Variants in CD2AP observed in about 807,000 individuals in gnomAD.
The protein encoded by CD2AP is CD2-associated protein.
Under a neutral mutation model 85.1 loss-of-function variants are expected in CD2AP, and 46 were observed. The observed-to-expected ratio is 0.54, with a 90% CI of 0.43 to 0.69. CD2AP has a LOEUF of 0.69. Ranked by LOEUF, CD2AP falls within the 30% of genes least tolerant of loss-of-function variation. The pLI is 0.00. For missense variants in CD2AP, 769 were observed against 729.5 expected (o/e 1.05, Z -0.62); for synonymous variants, 255 against 252.9 (o/e 1.01, Z -0.08).
intron 3 of CD2AP, 92 bp downstream of exon 3, chr6:47,533,847 T>C: frequency 7.6e-7 from 1 of 1,315,442 alleles, no homozygotes; most frequent in Non-Finnish European, 1.1e-6. Flanking sequence ...GTTCAGTCTT[T>C]TGTAGACAAC....
chr6:47,568,087 T>C (rs938553990), intron 5 of CD2AP, among the ~76,000 whole-genome samples: 1 of 152,142 alleles, frequency 6.6e-6, no homozygotes, highest in Non-Finnish European at 1.5e-5. Flanking sequence ...ATAATGTTAT[T>C]TGGGGGATGA....
chr6:47,478,390 C>G, intron 1 of CD2AP, 142 bp downstream of exon 1: 1 of 966,212 alleles, frequency 1.0e-6, no homozygotes, highest in Admixed American at 2.0e-5. Flanking sequence ...CCCCACCGCC[C>G]CTTCTTGCCC....
intron 2 of CD2AP, among the ~76,000 whole-genome samples, chr6:47,527,726 C>T (rs1431518488): frequency 6.6e-6 from 1 of 152,114 alleles, no homozygotes; most frequent in Admixed American, 6.5e-5. Flanking sequence ...TGAGTGATAC[C>T]TGCAGATTAG....
intron 13 of CD2AP, among the ~76,000 whole-genome samples, chr6:47,605,193 A>G (rs1582616496): frequency 6.6e-6 from 1 of 152,048 alleles, no homozygotes; most frequent in African/African-American, 2.4e-5. Context: ...GGAATCTGCT[A>G]TTAGTTAGAA....
chr6:47,560,396 G>A (rs1416208632), intron 5 of CD2AP, among the ~76,000 whole-genome samples: 1 of 151,652 alleles, frequency 6.6e-6, no homozygotes, highest in African/African-American at 2.4e-5. Context: ...CTTTATAGCT[G>A]TTTTTTTCCT....
intron 3 of CD2AP, among the ~76,000 whole-genome samples, chr6:47,536,553 ATTC>A (rs1767051756): frequency 6.6e-6 from 1 of 152,166 alleles, no homozygotes; most frequent in South Asian, 2.1e-4. Context: ...CTAGTGAGCT[ATTC>A]TTCTCTAGTC....
intron 3 of CD2AP, among the ~76,000 whole-genome samples, chr6:47,543,178 AG>A (rs1767274543): frequency 3.6e-5 from 5 of 139,422 alleles, no homozygotes; most frequent in South Asian, 2.5e-4. Context: ...AAAAAGAAAA[AG>A]AAAAAAGAAA....
intron 12 of CD2AP, among the ~76,000 whole-genome samples, chr6:47,598,387 A>G (rs1294422471): frequency 6.6e-6 from 1 of 151,108 alleles, no homozygotes; most frequent in Non-Finnish European, 1.5e-5. Context: ...TGATCCAGCA[A>G]TCCCACTACT....
rs1769318805 is a variant in CD2AP, at chr6:47,607,944, A to G, written c.1548A>G (p.Glu516=). ...NGGHSPTHSP[E]KILKLPKEED... ...TCATTTAGCCAACTCACAGCCCCGA[A>G]AAAATCTTGAAGTTACCAAAAGAAG... Residue 516 remains glutamate (E), a synonymous_variant, in exon 15 of 18, where the codon GAA becomes GAG. Coordinates refer to ENST00000359314, the MANE Select transcript of CD2AP (RefSeq NM_012120.3). 6.2e-7 allele frequency: 1 copy of G among 1,612,502 alleles called. No individual in the cohort carries two copies. The highest frequency in any genetic ancestry group is 8.5e-7 in the Non-Finnish European group (1 of 1,179,010).
Position 47,624,777 on chromosome 6 carries a change from G to T in CD2AP, c.*550G>T, listed in dbSNP as rs1409959251. 1 of 150,902 alleles carries T rather than the reference G, an allele frequency of 6.6e-6. No homozygotes were observed. The highest frequency in any genetic ancestry group is 1.5e-5 in the Non-Finnish European group (1 of 67,870). The allele number at this position is 150,902 out of a possible 1,614,324, so 9.3% of individuals were successfully genotyped here. A position where few individuals can be genotyped will look rare whatever the true frequency, so the allele number is the denominator to read the frequency against. Reference sequence around the variant, plus strand: ...CTCTTACCGAAGGTTACACTGTTGTGCCTGTTTGTCTGCAATGCTGTTTAT... The same window carrying T: ...CTCTTACCGAAGGTTACACTGTTGTTCCTGTTTGTCTGCAATGCTGTTTAT... On this transcript the variant is annotated 3_prime_UTR_variant, in exon 18 of 18. Transcript: ENST00000359314.
chr6:47,493,206 A>G (rs896827052), intron 1 of CD2AP, among the ~76,000 whole-genome samples: 1 of 152,040 alleles, frequency 6.6e-6, no homozygotes, highest in African/African-American at 2.4e-5. Flanking sequence ...TCTGACCTGT[A>G]TAATTTTCAT....
chr6:47,545,340 A>G (rs7767662), intron 4 of CD2AP, among the ~76,000 whole-genome samples: 92,984 of 151,878 alleles, frequency 0.61, 29,203 homozygotes, highest in Middle Eastern at 0.74. Flanking sequence ...ATGCTCAGTC[A>G]CAGCAAGATC....
At chr6:47,588,865 A>G (rs1407448762) in intron 11 of CD2AP, among the ~76,000 whole-genome samples, 1 of 152,132 alleles carries the variant, frequency 6.6e-6, no homozygotes, top group Non-Finnish European at 1.5e-5. Flanking sequence ...AAGTCCTTTC[A>G]GTTTCTTGGA....
At chr6:47,527,778 G>A (rs1470843971) in intron 2 of CD2AP, among the ~76,000 whole-genome samples, 1 of 152,152 alleles carries the variant, frequency 6.6e-6, no homozygotes, top group Non-Finnish European at 1.5e-5. Context: ...TACTGCTTGT[G>A]CCAGTGGCCC....
chr6:47,580,676 T>C (rs1185304661), intron 9 of CD2AP, among the ~76,000 whole-genome samples, 188 bp from the exon 10 acceptor site: 1 of 152,218 alleles, frequency 6.6e-6, no homozygotes, highest in African/African-American at 2.4e-5. Context: ...GGCTGTTTTT[T>C]CTAATGAAAT....
At chr6:47,478,536 C>G (rs1460738227) in intron 1 of CD2AP, among the ~76,000 whole-genome samples, 1 of 152,172 alleles carries the variant, frequency 6.6e-6, no homozygotes, top group Non-Finnish European at 1.5e-5. Context: ...CTGGCCACCT[C>G]TGCTAACCCC....
At chr6:47,478,369 C>CT in intron 1 of CD2AP, 121 bp downstream of exon 1, 1 of 1,115,230 alleles carries the variant, frequency 9.0e-7, no homozygotes. Flanking sequence ...GCACCCCACC[C>CT]TCTCCATTCT....
At chr6:47,614,056 G>A (rs1769517501) in intron 17 of CD2AP, among the ~76,000 whole-genome samples, 1 of 152,164 alleles carries the variant, frequency 6.6e-6, no homozygotes, top group Admixed American at 6.6e-5. Context: ...TCTGGATTAG[G>A]CTTTGGCTTA....
chr6:47,590,169 G>T (rs1768752685), intron 11 of CD2AP, among the ~76,000 whole-genome samples: 1 of 151,746 alleles, frequency 6.6e-6, no homozygotes, highest in Non-Finnish European at 1.5e-5. Flanking sequence ...TGGCCTTTAG[G>T]GGATCTAGAT....
Sources: allele counts gnomAD v4.1 joint callset (sites outside exome capture counted in the v4.1 genomes callset), GRCh38; gene constraint gnomAD v4.1.1; transcripts MANE v1.5; gene names NCBI Gene and HGNC (gene_info 2026-07-23, HGNC 2026-07-21).